Variants in DNAAF11 observed in about 807,000 individuals in gnomAD.
The protein encoded by DNAAF11 is dynein axonemal assembly factor 11, also known as leucine rich repeat containing 6.
Under a neutral mutation model 60.8 loss-of-function variants are expected in DNAAF11, and 45 were observed. That is an observed-to-expected ratio of 0.74 (90% CI 0.58 to 0.95). The LOEUF (loss-of-function observed/expected upper bound fraction) is 0.95, where lower values mean the gene tolerates loss of function less well. Among genes scored for constraint, DNAAF11 ranks in the 40% least tolerant of loss-of-function variants. DNAAF11 has a pLI of 0.00. For missense variants in DNAAF11, 546 were observed against 546.2 expected, an observed-to-expected ratio of 1.00 and a Z score of 0.00; for synonymous variants, 191 against 183.5, an observed-to-expected ratio of 1.04 and a Z score of -0.33.
the DNAAF11 span, among the ~76,000 whole-genome samples, chr8:132,694,077 G>A: frequency 2.6e-5 from 4 of 152,284 alleles, no homozygotes; most frequent in East Asian, 7.7e-4. Context: ...CAGCTGAAGA[G>A]GCAATTGCAG....
chr8:132,609,395 T>C (rs1478855267), intron 10 of DNAAF11, among the ~76,000 whole-genome samples: 1 of 152,096 alleles, frequency 6.6e-6, no homozygotes, highest in Non-Finnish European at 1.5e-5. Context: ...ACACACTTCT[T>C]TTCCTGAATA....
At chr8:132,643,258 A>G (rs1822038035) in intron 3 of DNAAF11, 1 of 174,948 alleles carries the variant, frequency 5.7e-6, no homozygotes, top group Admixed American at 5.7e-5. Context: ...TATTATTAAA[A>G]TATCATCATC....
At chr8:132,636,501 A>T (rs796932566) in intron 4 of DNAAF11, among the ~76,000 whole-genome samples, 4 of 152,152 alleles carry the variant, frequency 2.6e-5, no homozygotes, top group African/African-American at 9.6e-5. Flanking sequence ...GTCTGGGAGG[A>T]TCAAAAACAC....
At chr8:132,583,196 A>G (rs2131010573) in intron 11 of DNAAF11, among the ~76,000 whole-genome samples, 1 of 152,230 alleles carries the variant, frequency 6.6e-6, no homozygotes, top group Non-Finnish European at 1.5e-5. Flanking sequence ...TACCCCTGAG[A>G]GTTGAGGCAT....
At chr8:132,664,742 G>GGT (rs1420830651) in intron 1 of DNAAF11, among the ~76,000 whole-genome samples, 1 of 151,458 alleles carries the variant, frequency 6.6e-6, no homozygotes, top group African/African-American at 2.4e-5. Context: ...TGGGATTACA[G>GGT]GTGTGAGCCA....
rs1360636907 is a variant in DNAAF11 at position 132,638,015 on chromosome 8, C to T, written c.349G>A (p.Glu117Lys). 1 of 1,613,962 alleles carries T rather than the reference C, an allele frequency of 6.2e-7. No homozygotes were observed. Among genetic ancestry groups the T allele is most frequent in the East Asian group, 2.2e-5 (1 of 44,884 alleles). Residue 117 changes from glutamate to lysine, a missense_variant, in exon 4 of 12, where the codon GAG becomes AAG. Transcript: ENST00000620350. ...KNLQHNIHLK[E>K]LFLMGNPCAS... Reference sequence around the variant, plus strand: ...CATGGGTTCCCCATGAGAAAGAGCTCCTTCAGATGGATATTGTGCTGCAAG... The same window carrying T: ...CATGGGTTCCCCATGAGAAAGAGCTTCTTCAGATGGATATTGTGCTGCAAG...
At chr8:132,639,006 C>T (rs531415408) in intron 3 of DNAAF11, among the ~76,000 whole-genome samples, 3 of 152,108 alleles carry the variant, frequency 2.0e-5, no homozygotes, top group Non-Finnish European at 4.4e-5. Context: ...GTATTGGTAC[C>T]AGAGTCAGAA....
Position 132,657,559 on chromosome 8 carries a change from T to TA in DNAAF11, c.179-653dup, listed in dbSNP as rs1030418008. 1.7e-4 allele frequency among the ~76,000 whole-genome samples: 26 copies of TA among 152,306 alleles called. 1 individual carries two copies. Among genetic ancestry groups the TA allele is most frequent in the African/African-American group, 6.3e-4 (26 of 41,578 alleles). ...GATTTCCTTACTGTTCTACCACATT[T>TA]AGTTGGGTTTCTTTGACTTGAAGCC... On this transcript the variant is annotated intron_variant, in intron 2 of 11. Coordinates refer to ENST00000620350, the MANE Select transcript of DNAAF11 (RefSeq NM_012472.6).
Position 132,584,480 on chromosome 8 carries a change from C to G in DNAAF11, c.1141-701G>C, listed in dbSNP as rs572033282. ...GACTCCACTACGTGCTAGGCACACA[C>G]CTACCAATATCAACACTGTATTTCA... On this transcript the variant is annotated intron_variant, in intron 10 of 11. Coordinates refer to ENST00000620350, the MANE Select transcript of DNAAF11 (RefSeq NM_012472.6). Among the ~76,000 whole-genome samples the G allele has an allele frequency of 9.8e-5, 15 of 152,286 alleles. No individual in the cohort carries two copies. The South Asian group carries it at 1.0e-3, about 11-fold the overall frequency.
intron 7 of DNAAF11, among the ~76,000 whole-genome samples, chr8:132,617,042 G>A (rs1464372782): frequency 3.3e-5 from 5 of 152,174 alleles, no homozygotes. Flanking sequence ...AGTAGAGATA[G>A]GGAGGGCTGA....
rs1267440451 is a variant in DNAAF11 at position 132,614,183 on chromosome 8, C to T, written c.974+855G>A. Among the ~76,000 whole-genome samples, 7 of 152,086 alleles carry T rather than the reference C, an allele frequency of 4.6e-5. No individual in the cohort carries two copies. In the South Asian group the frequency reaches 1.4e-3, roughly 31 times the overall value. ...AAGTGCTGGGCAGGGGTAGGTACTG[C>T]TTTATGTCAGATGGTGGGGCAGAGA... On this transcript the variant is annotated intron_variant, in intron 8 of 11. Transcript: ENST00000620350.
At chr8:132,605,125 A>G (rs1818005783) in intron 10 of DNAAF11, among the ~76,000 whole-genome samples, 1 of 152,182 alleles carries the variant, frequency 6.6e-6, no homozygotes, top group African/African-American at 2.4e-5. Context: ...TCACTTGCAT[A>G]ATCCTCAAAA....
At chr8:132,588,246 G>C (rs1468199847) in intron 10 of DNAAF11, among the ~76,000 whole-genome samples, 1 of 152,188 alleles carries the variant, frequency 6.6e-6, no homozygotes, top group Non-Finnish European at 1.5e-5. Context: ...TGTAAATTAA[G>C]AGGGAATGAA....
chr8:132,619,230 T>C (rs1271510282), intron 7 of DNAAF11, among the ~76,000 whole-genome samples: 1 of 147,022 alleles, frequency 6.8e-6, no homozygotes, highest in Non-Finnish European at 1.5e-5. Context: ...TTCTCACTCA[T>C]AGGTGGGAAT....
the DNAAF11 span, among the ~76,000 whole-genome samples, chr8:132,686,124 A>G: frequency 6.6e-6 from 1 of 152,216 alleles, no homozygotes; most frequent in African/African-American, 2.4e-5. Context: ...TGAAGAGCTT[A>G]TTTGGGTAGT....
At position 132,631,217 on chromosome 8, in the gene DNAAF11, A is replaced by T. The variant is rs1261531479; in HGVS notation, c.653+1523T>A. ...GATTCTATTCCTGTGAGAATAGGAA[A>T]TGGGAATAGGGAAAACAACGTGCAT... On this transcript the variant is annotated intron_variant, in intron 5 of 11. Transcript: ENST00000620350. Among the ~76,000 whole-genome samples, 5 of 152,326 alleles carry T rather than the reference A, an allele frequency of 3.3e-5. No individual in the cohort carries two copies. In the East Asian group the frequency reaches 9.6e-4, roughly 29 times the overall value.
At chr8:132,578,812 C>T (rs1428402057) in intron 11 of DNAAF11, among the ~76,000 whole-genome samples, 2 of 152,202 alleles carry the variant, frequency 1.3e-5, no homozygotes, top group Non-Finnish European at 2.9e-5. Flanking sequence ...CCTGAAGTCA[C>T]CTTTGCCCTG....
At chr8:132,616,950 T>A (rs1819221977) in intron 7 of DNAAF11, among the ~76,000 whole-genome samples, 1 of 152,142 alleles carries the variant, frequency 6.6e-6, no homozygotes, top group Non-Finnish European at 1.5e-5. Context: ...TCTGATTGGC[T>A]ACTGTTGACA....
At chr8:132,697,443 C>G in the DNAAF11 span, among the ~76,000 whole-genome samples, 1 of 151,982 alleles carries the variant, frequency 6.6e-6, no homozygotes, top group Admixed American at 6.6e-5. Flanking sequence ...GATGGCAAAA[C>G]CCCATCTCTA....
Sources: allele counts gnomAD v4.1 joint callset (sites outside exome capture counted in the v4.1 genomes callset), GRCh38; gene constraint gnomAD v4.1.1; transcripts MANE v1.5; gene names NCBI Gene and HGNC (gene_info 2026-07-23, HGNC 2026-07-21).